The following GRHL2 variants were observed in gnomAD, a reference collection of about 807,000 sequenced individuals.
GRHL2 encodes the protein grainyhead-like protein 2 homolog.
A neutral mutation model predicts 83.8 loss-of-function variants in GRHL2; 21 were observed. That is an observed-to-expected ratio of 0.25 (90% CI 0.18 to 0.36). The LOEUF is 0.36. Among genes scored for constraint, GRHL2 ranks in the 10% least tolerant of loss-of-function variants. The pLI, the probability that GRHL2 is intolerant of heterozygous loss-of-function variation, is 1.00. For synonymous variants in GRHL2, 280 were observed against 278.9 expected, an observed-to-expected ratio of 1.00 and a Z score of -0.04; for missense variants, 623 against 781.8, an observed-to-expected ratio of 0.80 and a Z score of 2.42.
chr8:101,578,857 G>A (rs904198802), intron 7 of GRHL2, among the ~76,000 whole-genome samples: 7 of 152,172 alleles, frequency 4.6e-5, no homozygotes, highest in African/African-American at 1.4e-4. Flanking sequence ...TAGGGTGAGA[G>A]GCTCACTGTA....
intron 1 of GRHL2, among the ~76,000 whole-genome samples, chr8:101,498,368 C>A (rs1156524302): frequency 6.6e-6 from 1 of 152,174 alleles, no homozygotes; most frequent in Non-Finnish European, 1.5e-5. Context: ...GATCCACCCA[C>A]CTTAGCCTCC....
intron 7 of GRHL2, among the ~76,000 whole-genome samples, chr8:101,593,983 C>T (rs1245006172): frequency 7.2e-6 from 1 of 138,842 alleles, no homozygotes; most frequent in East Asian, 2.2e-4. Flanking sequence ...GCAGAGGAAT[C>T]GCTTGAACTC....
At chr8:101,540,367 C>T (rs1563570897) in intron 1 of GRHL2, among the ~76,000 whole-genome samples, 2 of 152,190 alleles carry the variant, frequency 1.3e-5, no homozygotes, top group East Asian at 3.8e-4. Flanking sequence ...CTTCATGTCA[C>T]CACAGTGCCT....
chr8:101,604,373 C>T (rs1240592784), intron 8 of GRHL2, among the ~76,000 whole-genome samples: 1 of 152,042 alleles, frequency 6.6e-6, no homozygotes, highest in Admixed American at 6.5e-5. Flanking sequence ...TGCAGCAAAC[C>T]CTAATTACAG....
chr8:101,666,448 C>A, intron 15 of GRHL2, 141 bp from the exon 16 acceptor site: 1 of 683,426 alleles, frequency 1.5e-6, no homozygotes, highest in East Asian at 2.7e-5. Flanking sequence ...CTTTCCCTGC[C>A]TTGTGTCCTC....
chr8:101,601,159 AAC>A lies in GRHL2; in HGVS notation c.1098+2037_1098+2038del, dbSNP rs5893575. Among the ~76,000 whole-genome samples the A allele has an allele frequency of 2.7e-3, 368 of 137,468 alleles. 2 individuals carry two copies. Among genetic ancestry groups the A allele is most frequent in the Middle Eastern group, 3.7e-3 (1 of 270 alleles). 90.2% of individuals were successfully genotyped at this position (137,468 alleles called of 152,430 possible). On this transcript the variant is annotated intron_variant, in intron 8 of 15. Coordinates refer to ENST00000646743, the MANE Select transcript of GRHL2 (RefSeq NM_024915.4). Reference sequence around the variant, plus strand: ...TGGGTAACAGTATGAGACTGTCTTAAACACACACACACACACACACACACACA... The same window carrying A: ...TGGGTAACAGTATGAGACTGTCTTAAACACACACACACACACACACACACA...
chr8:101,593,452 A>T (rs528610810), intron 7 of GRHL2, among the ~76,000 whole-genome samples: 3 of 152,278 alleles, frequency 2.0e-5, no homozygotes, highest in Non-Finnish European at 4.4e-5. Context: ...TTGAAATTCA[A>T]TATGTTCACA....
chr8:101,493,115 C>T (rs1466420469), intron 1 of GRHL2, among the ~76,000 whole-genome samples: 1 of 152,120 alleles, frequency 6.6e-6, no homozygotes, highest in Non-Finnish European at 1.5e-5. Context: ...TAGATGGGCG[C>T]GGGAGGCCTG....
chr8:101,538,649 A>G (rs1811091902), intron 1 of GRHL2, among the ~76,000 whole-genome samples: 1 of 152,258 alleles, frequency 6.6e-6, no homozygotes, highest in African/African-American at 2.4e-5. Flanking sequence ...TTGCCCTTCC[A>G]AAAGAGCAAT....
At chr8:101,631,143 T>C (rs1813178082) in intron 9 of GRHL2, among the ~76,000 whole-genome samples, 1 of 152,240 alleles carries the variant, frequency 6.6e-6, no homozygotes, top group African/African-American at 2.4e-5. Context: ...GTGGTTTCCT[T>C]ATGGCTTCTT....
chr8:101,550,800 C>T (rs747592981), intron 2 of GRHL2, among the ~76,000 whole-genome samples: 2 of 152,172 alleles, frequency 1.3e-5, no homozygotes, highest in Non-Finnish European at 2.9e-5. Context: ...CTCTGTTTTA[C>T]CTTCTGTCTG....
At chr8:101,648,449 C>A (rs1586169988) in intron 13 of GRHL2, among the ~76,000 whole-genome samples, 1 of 152,248 alleles carries the variant, frequency 6.6e-6, no homozygotes, top group African/African-American at 2.4e-5. Flanking sequence ...GCTTCCCCCA[C>A]TGATCGAGGA....
intron 3 of GRHL2, 27 bp from the exon 4 acceptor site, chr8:101,558,392 C>A: frequency 6.2e-7 from 1 of 1,613,504 alleles, no homozygotes. Flanking sequence ...CTAATTCTAT[C>A]ATGTTGCGGG....
chr8:101,564,812 CA>C (rs3035637), intron 4 of GRHL2, among the ~76,000 whole-genome samples: 37 of 109,768 alleles, frequency 3.4e-4, no homozygotes, highest in African/African-American at 7.9e-4. Context: ...GCCCTGTCTC[CA>C]AAAAAAAAAA....
chr8:101,546,514 A>G (rs1484840133), intron 2 of GRHL2, among the ~76,000 whole-genome samples: 2 of 151,698 alleles, frequency 1.3e-5, no homozygotes, highest in Admixed American at 1.3e-4. Context: ...AGTTCAAACA[A>G]TTTTCCTGCC....
intron 2 of GRHL2, 114 bp from the exon 3 acceptor site, chr8:101,552,601 C>T: frequency 1.1e-6 from 1 of 948,298 alleles, no homozygotes; most frequent in Non-Finnish European, 1.7e-6. Context: ...AACTTTTCCA[C>T]CATTTCCTGG....
chr8:101,543,253 A>G lies in GRHL2; in HGVS notation c.33A>G (p.Leu11=), dbSNP rs1001767700. 1.9e-6 allele frequency: 3 copies of G among 1,613,824 alleles called. No homozygotes were observed. The highest frequency in any genetic ancestry group is 1.7e-5 in the Admixed American group (1 of 60,018). The change falls in exon 2 of 16, where the codon CTA becomes CTG. Residue 11 remains leucine, a synonymous_variant. Coordinates refer to ENST00000646743, the MANE Select transcript of GRHL2 (RefSeq NM_024915.4). MSQESDNNKR[L]VALVPMPSDP... is the part of the protein sequence containing the mutation. The stretch of plus-strand genomic sequence containing the variant: ...CTTGTTTTTACAGTAATAAAAGACT[A>G]GTGGCCTTAGTGCCCATGCCCAGTG...
intron 12 of GRHL2, among the ~76,000 whole-genome samples, chr8:101,637,936 G>A (rs1236417931): frequency 6.6e-6 from 1 of 152,080 alleles, no homozygotes; most frequent in Admixed American, 6.5e-5. Context: ...TCCCTCCAAG[G>A]TATAGTACTA....
chr8:101,589,020 ACTG>A (rs762289785), intron 7 of GRHL2, among the ~76,000 whole-genome samples: 4 of 152,208 alleles, frequency 2.6e-5, no homozygotes, highest in Non-Finnish European at 5.9e-5. Context: ...CGGGGTGATT[ACTG>A]CTGATTAACC....
Sources: gnomAD v4.1 joint callset for allele counts (sites outside exome capture counted in the v4.1 genomes callset) on GRCh38, gnomAD v4.1.1 for gene constraint, MANE v1.5 for transcripts, NCBI Gene and HGNC (gene_info 2026-07-23, HGNC 2026-07-21) for gene names.